The following AGPS variants were observed in gnomAD, a reference collection of about 807,000 sequenced individuals.
AGPS encodes alkyldihydroxyacetonephosphate synthase, peroxisomal.
A neutral mutation model predicts 90.7 loss-of-function variants in AGPS; 26 were observed. The observed-to-expected ratio is 0.29, with a 90% CI of 0.21 to 0.40. The LOEUF (loss-of-function observed/expected upper bound fraction) is 0.40. Ranked by LOEUF, AGPS falls within the 10% of genes least tolerant of loss-of-function variation. AGPS has a pLI of 1.00. For synonymous variants in AGPS, 294 were observed against 285.3 expected (o/e 1.03, Z -0.31); for missense variants, 540 against 816.1 (o/e 0.66, Z 4.12).
chr2:177,479,285 T>C (rs2105689971), intron 10 of AGPS, among the ~76,000 whole-genome samples: 1 of 152,274 alleles, frequency 6.6e-6, no homozygotes, highest in Middle Eastern at 3.4e-3. Context: ...TGTCCCACAG[T>C]TGGGGCCCGG....
intron 9 of AGPS, among the ~76,000 whole-genome samples, chr2:177,464,194 G>A (rs1277646359): frequency 6.6e-6 from 1 of 152,094 alleles, no homozygotes; most frequent in Non-Finnish European, 1.5e-5. Context: ...TCCTGCCTCG[G>A]CCTCCCAAAG....
chr2:177,514,035 C>T (rs1480875433), intron 17 of AGPS, 127 bp downstream of exon 17: 7 of 700,008 alleles, frequency 1.0e-5, no homozygotes, highest in Non-Finnish European at 1.8e-5. Flanking sequence ...GCTTTCCTAA[C>T]CTTCACTTAC....
rs115791829 is a variant in AGPS at position 177,503,156 on chromosome 2, A to G, written c.1476-2350A>G. Among the ~76,000 whole-genome samples, 1,098 of 152,226 alleles carry G rather than the reference A, an allele frequency of 7.2e-3. 13 individuals are homozygous for G. The highest frequency in any genetic ancestry group is 0.025 in the African/African-American group (1,035 of 41,512). Reference sequence around the variant, plus strand: ...TTGCTTACCCTTCACTCACACCCCAACATAGTTCAATACCTTTGAACACAT... The same window carrying G: ...TTGCTTACCCTTCACTCACACCCCAGCATAGTTCAATACCTTTGAACACAT... On this transcript the variant is annotated intron_variant, in intron 14 of 19. Coordinates refer to ENST00000264167, the MANE Select transcript of AGPS (RefSeq NM_003659.4).
At position 177,538,185 on chromosome 2, in the gene AGPS, A is replaced by C; in HGVS notation, c.1967A>C (p.Asn656Thr). ...VDPNNIFGNR[N>T]LL is the part of the protein sequence containing the mutation. ...CCCAATAACATCTTTGGAAACAGAA[A>C]CCTTTTATAAATCCATTAGTACCAT... Residue 656 changes from asparagine to threonine, a missense_variant, in exon 20 of 20, where the codon AAC becomes ACC. By Grantham distance (65) the Asn-to-Thr change is moderately conservative. Transcript: ENST00000264167. 6.2e-7 allele frequency: 1 copy of C among 1,612,816 alleles called. No individual in the cohort carries two copies. The highest frequency in any genetic ancestry group is 8.5e-7 in the Non-Finnish European group (1 of 1,179,090).
chr2:177,468,279 T>G (rs1687516357), intron 9 of AGPS, 137 bp from the exon 10 acceptor site: 2 of 531,066 alleles, frequency 3.8e-6, no homozygotes, highest in East Asian at 5.9e-5. Context: ...ATACTAGAAT[T>G]CTTAAAAGCA....
intron 1 of AGPS, 146 bp downstream of exon 1, chr2:177,393,195 C>T: frequency 6.5e-7 from 1 of 1,540,818 alleles, no homozygotes; most frequent in Non-Finnish European, 8.7e-7. Context: ...ACCTCTCTTT[C>T]GAGAGAGTGG....
chr2:177,533,385 C>T (rs1360819694), intron 19 of AGPS, among the ~76,000 whole-genome samples: 1 of 152,078 alleles, frequency 6.6e-6, no homozygotes, highest in Non-Finnish European at 1.5e-5. Flanking sequence ...CTCCCCACCC[C>T]ACCATCCCCC....
intron 2 of AGPS, among the ~76,000 whole-genome samples, chr2:177,421,917 G>A (rs1024716004): frequency 6.6e-6 from 1 of 152,068 alleles, no homozygotes; most frequent in African/African-American, 2.4e-5. Flanking sequence ...TTATGGAACA[G>A]GGTAGATAGT....
chr2:177,519,819 C>T (rs574716552), intron 17 of AGPS, among the ~76,000 whole-genome samples: 9 of 152,252 alleles, frequency 5.9e-5, no homozygotes, highest in African/African-American at 1.9e-4. Flanking sequence ...GGCAAGTCCA[C>T]AGTGCAAAGT....
chr2:177,495,794 T>C (rs531644015), intron 12 of AGPS, among the ~76,000 whole-genome samples: 1 of 150,798 alleles, frequency 6.6e-6, no homozygotes, highest in Non-Finnish European at 1.5e-5. Flanking sequence ...GGCGAGCACC[T>C]GTAGTCCCAG....
At chr2:177,508,498 T>G (rs1395331967) in intron 16 of AGPS, among the ~76,000 whole-genome samples, 1 of 152,210 alleles carries the variant, frequency 6.6e-6, no homozygotes, top group Non-Finnish European at 1.5e-5. Flanking sequence ...TAGGAAATTA[T>G]GTACAATTTC....
intron 1 of AGPS, among the ~76,000 whole-genome samples, chr2:177,417,250 G>A (rs1405495497): frequency 2.0e-5 from 3 of 152,150 alleles, no homozygotes; most frequent in African/African-American, 7.2e-5. Context: ...TTCAGTGTAT[G>A]CAAACTCTGT....
intron 9 of AGPS, among the ~76,000 whole-genome samples, chr2:177,466,908 T>G (rs1398470511): frequency 6.6e-6 from 1 of 151,966 alleles, no homozygotes; most frequent in African/African-American, 2.4e-5. Flanking sequence ...TCCTGCGTGC[T>G]TCCGGCCCCC....
chr2:177,457,240 G>A (rs534458163), intron 8 of AGPS, among the ~76,000 whole-genome samples: 1 of 152,300 alleles, frequency 6.6e-6, no homozygotes, highest in South Asian at 2.1e-4. Flanking sequence ...AGAGAAAGCA[G>A]TGAGGATCTA....
At position 177,540,426 on chromosome 2, in the gene AGPS, C is replaced by G. The variant is rs980293361; in HGVS notation, c.*2231C>G. 3.3e-5 allele frequency: 5 copies of G among 151,942 alleles called. No individual in the cohort carries two copies. The highest frequency in any genetic ancestry group is 2.1e-4 in the South Asian group (1 of 4,818). 9.4% of individuals were successfully genotyped at this position (151,942 alleles called of 1,614,324 possible). On this transcript the variant is annotated 3_prime_UTR_variant, in exon 20 of 20. Coordinates refer to ENST00000264167, the MANE Select transcript of AGPS (RefSeq NM_003659.4). ...CATTTTGAAACACAAGAATATTGAT[C>G]AGTACTGTTTCACTCTGATTTAGTA...
At chr2:177,428,104 C>G (rs996071771) in intron 2 of AGPS, among the ~76,000 whole-genome samples, 5 of 152,000 alleles carry the variant, frequency 3.3e-5, no homozygotes, top group Admixed American at 6.6e-5. Context: ...CTTTTTTGGT[C>G]TTTGTTGGTT....
In AGPS at chr2:177,492,715, C is replaced by T. The variant is rs560877527; in HGVS notation, c.1234-433C>T. On this transcript the variant is annotated intron_variant, in intron 11 of 19. Transcript: ENST00000264167. Reference sequence around the variant, plus strand: ...CATCTAAAAGTCAGAATGTCTTCATCTTCTACCTTTACTGTGGATAAAATA... The same window carrying T: ...CATCTAAAAGTCAGAATGTCTTCATTTTCTACCTTTACTGTGGATAAAATA... 3.9e-5 allele frequency among the ~76,000 whole-genome samples: 6 copies of T among 152,236 alleles called. No individual in the cohort carries two copies. In the East Asian group the frequency reaches 1.2e-3, roughly 29 times the overall value.
rs191698847 is a variant in AGPS at position 177,426,470 on chromosome 2, G to A, written c.350+6112G>A. 2.7e-4 allele frequency among the ~76,000 whole-genome samples: 41 copies of A among 152,230 alleles called. No individual in the cohort carries two copies. The East Asian group carries it at 3.3e-3, about 12-fold the overall frequency. ...AGAGAAAGCATCCTTGTCTTATGCC[G>A]GTTTTCGAGGAGAATGCTTCCAGCT... On this transcript the variant is annotated intron_variant, in intron 2 of 19. Transcript: ENST00000264167.
intron 11 of AGPS, among the ~76,000 whole-genome samples, chr2:177,486,653 A>T (rs1450289050): frequency 6.7e-6 from 1 of 148,816 alleles, no homozygotes; most frequent in Non-Finnish European, 1.5e-5. Context: ...TGCTTTTGAA[A>T]TGGGAAACTG....
Sources: allele counts gnomAD v4.1 joint callset (sites outside exome capture counted in the v4.1 genomes callset), GRCh38; gene constraint gnomAD v4.1.1; transcripts MANE v1.5; gene names NCBI Gene and HGNC (gene_info 2026-07-23, HGNC 2026-07-21).